Variants in KIF26B observed in about 807,000 individuals in gnomAD.
KIF26B encodes kinesin-like protein KIF26B.
A neutral mutation model predicts 151.2 loss-of-function variants in KIF26B; 63 were observed. The observed-to-expected ratio is 0.42, with a 90% CI of 0.34 to 0.51. The LOEUF (loss-of-function observed/expected upper bound fraction) is 0.51, where lower values mean the gene tolerates loss of function less well. KIF26B is among the 20% of genes least tolerant of loss of function. The probability of loss-of-function intolerance (pLI) is 0.07; values close to 1 mark genes in which losing one functional copy is unlikely to be tolerated. For synonymous variants in KIF26B, 1,357 were observed against 1,262.1 expected, an observed-to-expected ratio of 1.08 and a Z score of -1.59; for missense variants, 2,813 against 2,913.6, an observed-to-expected ratio of 0.97 and a Z score of 0.79.
intron 5 of KIF26B, among the ~76,000 whole-genome samples, chr1:245,588,186 G>A (rs1398697703): frequency 6.6e-6 from 1 of 152,162 alleles, no homozygotes; most frequent in Non-Finnish European, 1.5e-5. Context: ...TATGCACACT[G>A]GAACAGACTG....
At chr1:245,442,845 C>G (rs2636199) in intron 4 of KIF26B, among the ~76,000 whole-genome samples, 17 of 46,182 alleles carry the variant, frequency 3.7e-4, no homozygotes, top group Middle Eastern at 0.014. Flanking sequence ...TGTTCACCTA[C>G]AGCGGTCATC....
At chr1:245,543,017 C>A (rs11588731) in intron 5 of KIF26B, among the ~76,000 whole-genome samples, 13,011 of 152,226 alleles carry the variant, frequency 0.085, 646 homozygotes, top group Middle Eastern at 0.14. Context: ...ACCCCAATAC[C>A]GCCCTGTCCA....
At chr1:245,636,136 G>C (rs2043831678) in intron 9 of KIF26B, among the ~76,000 whole-genome samples, 1 of 152,084 alleles carries the variant, frequency 6.6e-6, no homozygotes, top group Non-Finnish European at 1.5e-5. Flanking sequence ...GTAGATATTT[G>C]ATAGTATTGT....
In KIF26B at chr1:245,540,748, G is replaced by A. The variant is rs971370012; in HGVS notation, c.1167-19G>A. The A allele has an allele frequency of 1.9e-5, 30 of 1,607,940 alleles. No homozygotes were observed. The highest frequency in any genetic ancestry group is 2.6e-5 in the Non-Finnish European group (30 of 1,174,474). ...ATCGTACAATCATTTTCCCCTTATT[G>A]TTCCTTTTTCCACTCCAGAGCTGCC... On this transcript the variant is annotated intron_variant, in intron 4 of 14. Coordinates refer to ENST00000407071, the MANE Select transcript of KIF26B (RefSeq NM_018012.4). The surrounding 1 kb of genome is among the most constrained non-coding windows in gnomAD (Gnocchi z 4.6).
At chr1:245,660,716 A>T (rs1316564666) in intron 10 of KIF26B, among the ~76,000 whole-genome samples, 1 of 152,110 alleles carries the variant, frequency 6.6e-6, no homozygotes, top group Admixed American at 6.5e-5. Flanking sequence ...TTCTGTAAGC[A>T]CCTACGTTGC....
chr1:245,314,081 A>G (rs9428355), intron 2 of KIF26B, among the ~76,000 whole-genome samples: 6,646 of 152,134 alleles, frequency 0.044, 480 homozygotes, highest in African/African-American at 0.15. Flanking sequence ...CTGCTCTTGT[A>G]TGTGAGTCCC....
chr1:245,172,255 G>A (rs772769586), intron 2 of KIF26B, among the ~76,000 whole-genome samples: 1 of 152,138 alleles, frequency 6.6e-6, no homozygotes, highest in African/African-American at 2.4e-5. Context: ...TAAGTGCAGA[G>A]TTAGGACACT....
chr1:245,325,159 A>T (rs1385645287), intron 2 of KIF26B, among the ~76,000 whole-genome samples: 4 of 152,004 alleles, frequency 2.6e-5, no homozygotes, highest in African/African-American at 4.8e-5. Flanking sequence ...CCACCTCCTT[A>T]CACACATACC....
intron 5 of KIF26B, among the ~76,000 whole-genome samples, chr1:245,567,430 C>G (rs1249385159): frequency 1.3e-5 from 2 of 152,208 alleles, no homozygotes; most frequent in East Asian, 3.9e-4. Flanking sequence ...CTTGCTTTCT[C>G]CAGCCTCCTG....
chr1:245,414,949 C>G (rs543672143), intron 3 of KIF26B, among the ~76,000 whole-genome samples: 2 of 152,204 alleles, frequency 1.3e-5, no homozygotes, highest in South Asian at 4.1e-4. Context: ...AAACGGGAAT[C>G]AGAGGCCTGT....
At chr1:245,538,740 T>C (rs78282673) in intron 4 of KIF26B, among the ~76,000 whole-genome samples, 2,660 of 152,174 alleles carry the variant, frequency 0.017, 98 homozygotes, top group African/African-American at 0.061. Context: ...ATAAACACCA[T>C]CTTTTAGTTC....
At chr1:245,362,466 A>G (rs1672846194) in intron 2 of KIF26B, among the ~76,000 whole-genome samples, 1 of 150,134 alleles carries the variant, frequency 6.7e-6, no homozygotes, top group African/African-American at 2.5e-5. Flanking sequence ...TGAACCAGGG[A>G]GGCGGAGGTT....
chr1:245,415,312 A>C (rs1674390549), intron 3 of KIF26B, among the ~76,000 whole-genome samples: 1 of 152,182 alleles, frequency 6.6e-6, no homozygotes. Flanking sequence ...GCCAGATCTC[A>C]TGTAGTAGGT....
At chr1:245,594,249 A>G (rs1024798399) in intron 5 of KIF26B, among the ~76,000 whole-genome samples, 4 of 152,156 alleles carry the variant, frequency 2.6e-5, no homozygotes, top group African/African-American at 7.2e-5. Flanking sequence ...GCCCATGCCT[A>G]TGTCCTGAAT....
At position 245,513,420 on chromosome 1, in the gene KIF26B, C is replaced by T. The variant is rs143635415; in HGVS notation, c.1167-27347C>T. 3.2e-3 allele frequency among the ~76,000 whole-genome samples: 481 copies of T among 152,048 alleles called. 2 individuals carry two copies. The highest frequency in any genetic ancestry group is 0.01 in the African/African-American group (432 of 41,462). On this transcript the variant is annotated intron_variant, in intron 4 of 14. Transcript: ENST00000407071. ...TGAAAGAAAGGAGAGAAAGAGACAG[C>T]GAGAGAGACAGGTGGGTTGTCTCTA...
At chr1:245,551,436 T>C (rs1403185171) in intron 5 of KIF26B, among the ~76,000 whole-genome samples, 1 of 152,194 alleles carries the variant, frequency 6.6e-6, no homozygotes, top group Non-Finnish European at 1.5e-5. Context: ...AGTAAGATAC[T>C]CGCTGGGAGG....
intron 9 of KIF26B, among the ~76,000 whole-genome samples, chr1:245,631,862 G>A (rs1233730020): frequency 3.3e-5 from 5 of 152,012 alleles, no homozygotes; most frequent in African/African-American, 1.2e-4. Flanking sequence ...ATTTGTTCGT[G>A]TGTAGTTCTT....
chr1:245,555,985 A>G (rs1420751836), intron 5 of KIF26B, among the ~76,000 whole-genome samples: 1 of 147,110 alleles, frequency 6.8e-6, no homozygotes, highest in Non-Finnish European at 1.5e-5. Context: ...GGAGAGGTGC[A>G]TCACCAAGAA....
intron 10 of KIF26B, among the ~76,000 whole-genome samples, chr1:245,649,692 A>G (rs995044708): frequency 2.7e-4 from 41 of 151,398 alleles, no homozygotes; most frequent in Non-Finnish European, 2.9e-4. Context: ...ACCCCCCCCA[A>G]AAAACACAGA....
Sources: allele counts gnomAD v4.1 joint callset (sites outside exome capture counted in the v4.1 genomes callset), GRCh38; gene constraint gnomAD v4.1.1; non-coding constraint Gnocchi (gnomAD v3.1); transcripts MANE v1.5; gene names NCBI Gene and HGNC (gene_info 2026-07-23, HGNC 2026-07-21).